EXT1: variants seen among roughly 807,000 people sequenced by gnomAD.
The protein encoded by EXT1 is exostosin-1.
EXT1 carries 20 observed loss-of-function variants against 82.5 expected under a neutral mutation model. The observed-to-expected ratio is 0.24, with a 90% CI of 0.17 to 0.35. The LOEUF (loss-of-function observed/expected upper bound fraction) is 0.35, where lower values mean the gene tolerates loss of function less well. Ranked by LOEUF, EXT1 falls within the 10% of genes least tolerant of loss-of-function variation. The pLI, the probability that EXT1 is intolerant of heterozygous loss-of-function variation, is 1.00. For missense variants in EXT1, 757 were observed against 936.5 expected, an observed-to-expected ratio of 0.81 and a Z score of 2.50; for synonymous variants, 348 against 350.8, an observed-to-expected ratio of 0.99 and a Z score of 0.09.
In EXT1 at chr8:118,028,041, A is replaced by G. The variant is rs1797971125; in HGVS notation, c.962+82044T>C. Among the ~76,000 whole-genome samples the G allele has an allele frequency of 3.3e-5, 5 of 152,254 alleles. No homozygotes were observed. In the South Asian group the frequency reaches 1.0e-3, roughly 31 times the overall value. On this transcript the variant is annotated intron_variant, in intron 1 of 10. Transcript: ENST00000378204. ...GTTGCCAAAATGAGTTTTCACCTAC[A>G]AGTAAAAGTTTTACAACTAATTATG... is the stretch of plus-strand genomic sequence containing the variant.
intron 1 of EXT1, among the ~76,000 whole-genome samples, chr8:117,962,842 C>T (rs936303912): frequency 1.3e-5 from 2 of 150,370 alleles, no homozygotes; most frequent in African/African-American, 5.0e-5. Context: ...AGGAGGATCC[C>T]TTGAGCCCAG....
chr8:118,057,704 T>A (rs1816816819), intron 1 of EXT1, among the ~76,000 whole-genome samples: 1 of 150,846 alleles, frequency 6.6e-6, no homozygotes, highest in South Asian at 2.1e-4. Context: ...CTGGGCGTGG[T>A]GGCTCACGCC....
At chr8:117,832,528 A>C (rs921071532) in intron 3 of EXT1, among the ~76,000 whole-genome samples, 1 of 151,304 alleles carries the variant, frequency 6.6e-6, no homozygotes, top group Admixed American at 6.6e-5. Flanking sequence ...CTTAAAAAAA[A>C]AAAAGAAAAG....
intron 1 of EXT1, among the ~76,000 whole-genome samples, chr8:118,001,137 T>C (rs888507598): frequency 7.2e-5 from 11 of 152,250 alleles, no homozygotes; most frequent in African/African-American, 2.6e-4. Context: ...TAGAATATCA[T>C]CTTATTTGGT....
intron 1 of EXT1, among the ~76,000 whole-genome samples, chr8:118,094,989 C>A (rs563401293): frequency 6.6e-6 from 1 of 152,186 alleles, no homozygotes; most frequent in Non-Finnish European, 1.5e-5. Context: ...CCATGCCCTC[C>A]TCCCTGAGCA....
At chr8:117,910,149 TA>T (rs1174222580) in intron 1 of EXT1, among the ~76,000 whole-genome samples, 1 of 152,134 alleles carries the variant, frequency 6.6e-6, no homozygotes, top group East Asian at 1.9e-4. Context: ...TTTCCTCTAA[TA>T]AGGGTGTCTC....
intron 1 of EXT1, among the ~76,000 whole-genome samples, chr8:117,971,151 A>C (rs935168438): frequency 6.6e-6 from 1 of 152,176 alleles, no homozygotes; most frequent in Non-Finnish European, 1.5e-5. Context: ...TTCCCGAAAG[A>C]GCAAAATGAT....
chr8:117,891,606 T>C (rs756169162), intron 1 of EXT1, among the ~76,000 whole-genome samples: 10 of 152,140 alleles, frequency 6.6e-5, no homozygotes, highest in Admixed American at 1.3e-4. Flanking sequence ...TATGTAAATA[T>C]GCTTTTCCTA....
chr8:117,855,553 CCT>C (rs1260134750), intron 1 of EXT1, among the ~76,000 whole-genome samples: 1 of 152,154 alleles, frequency 6.6e-6, no homozygotes, highest in African/African-American at 2.4e-5. Context: ...ATTTCCCCTC[CCT>C]CTCTCTTTGG....
chr8:118,062,339 C>T (rs1563643996), intron 1 of EXT1, among the ~76,000 whole-genome samples: 1 of 152,136 alleles, frequency 6.6e-6, no homozygotes. Flanking sequence ...AATGTTGTAT[C>T]CTAGTGAAGG....
At chr8:117,903,595 G>A (rs1165976457) in intron 1 of EXT1, among the ~76,000 whole-genome samples, 1 of 152,304 alleles carries the variant, frequency 6.6e-6, no homozygotes, top group Admixed American at 6.5e-5. Flanking sequence ...CCAGAAAGGA[G>A]TCAGACAGTA....
At chr8:118,050,860 T>C (rs1816706083) in intron 1 of EXT1, among the ~76,000 whole-genome samples, 1 of 152,212 alleles carries the variant, frequency 6.6e-6, no homozygotes, top group Non-Finnish European at 1.5e-5. Context: ...AGAAAGATGA[T>C]ATTGCTCTAA....
intron 1 of EXT1, among the ~76,000 whole-genome samples, chr8:117,852,477 C>T (rs1812472116): frequency 6.6e-6 from 1 of 152,100 alleles, no homozygotes; most frequent in African/African-American, 2.4e-5. Flanking sequence ...AAATAAATGC[C>T]TGTTCATTTG....
intron 1 of EXT1, among the ~76,000 whole-genome samples, chr8:117,999,190 AC>A (rs1441302328): frequency 6.6e-6 from 1 of 152,228 alleles, no homozygotes; most frequent in African/African-American, 2.4e-5. Context: ...CAGATTCTGC[AC>A]AAAACATCTC....
intron 1 of EXT1, among the ~76,000 whole-genome samples, chr8:117,862,480 C>G (rs1812702195): frequency 1.4e-5 from 2 of 145,596 alleles, no homozygotes; most frequent in Admixed American, 7.0e-5. Context: ...CAGGGTTGAC[C>G]ACCTCAGAAG....
chr8:118,063,672 G>T (rs115548371), intron 1 of EXT1, among the ~76,000 whole-genome samples: 3 of 152,160 alleles, frequency 2.0e-5, no homozygotes, highest in African/African-American at 7.2e-5. Flanking sequence ...ACACTGCTGC[G>T]ATATTAGCTA....
chr8:118,021,835 T>C (rs543902355), intron 1 of EXT1, among the ~76,000 whole-genome samples: 2 of 152,340 alleles, frequency 1.3e-5, no homozygotes, highest in Non-Finnish European at 1.5e-5. Context: ...ACATTCCATT[T>C]CCCTTTATTT....
intron 1 of EXT1, among the ~76,000 whole-genome samples, chr8:118,100,839 A>G (rs2468139): frequency 0.79 from 120,012 of 151,978 alleles, 48,385 homozygotes; most frequent in Non-Finnish European, 0.86. Flanking sequence ...TCAAGGAAGT[A>G]TCTGACTGCC....
intron 1 of EXT1, among the ~76,000 whole-genome samples, chr8:117,953,357 G>A (rs1586306122): frequency 6.6e-6 from 1 of 152,138 alleles, no homozygotes; most frequent in East Asian, 1.9e-4. Flanking sequence ...CCTAAAGGCT[G>A]GGACCCCAGA....
Sources: gnomAD v4.1 joint callset for allele counts (sites outside exome capture counted in the v4.1 genomes callset) on GRCh38, gnomAD v4.1.1 for gene constraint, MANE v1.5 for transcripts, NCBI Gene and HGNC (gene_info 2026-07-23, HGNC 2026-07-21) for gene names.